The following NRXN3 variants were observed in gnomAD, a reference collection of about 807,000 sequenced individuals.
The protein encoded by NRXN3 is neurexin 3.
In NRXN3, 32 loss-of-function variants were observed where a neutral mutation model predicts 137.6. The ratio of observed to expected loss-of-function variants is 0.23; its 90% confidence interval spans 0.18 to 0.31. The LOEUF is 0.31. Among genes scored for constraint, NRXN3 ranks in the 10% least tolerant of loss-of-function variants. NRXN3 has a pLI of 1.00. For synonymous variants in NRXN3, 798 were observed against 784.5 expected, an observed-to-expected ratio of 1.02 and a Z score of -0.29; for missense variants, 1,574 against 2,062.5, an observed-to-expected ratio of 0.76 and a Z score of 4.59.
At chr14:79,243,495 C>A (rs541294446) in intron 15 of NRXN3, among the ~76,000 whole-genome samples, 2 of 152,068 alleles carry the variant, frequency 1.3e-5, no homozygotes, top group Non-Finnish European at 2.9e-5. Context: ...TAATCCTATG[C>A]GTAAAACAAT....
intron 15 of NRXN3, among the ~76,000 whole-genome samples, chr14:79,407,264 T>G (rs1400086063): frequency 6.6e-6 from 1 of 152,168 alleles, no homozygotes; most frequent in Non-Finnish European, 1.5e-5. Context: ...TTCTTCTTAC[T>G]GTGCCAAACA....
chr14:79,387,400 G>A (rs1331836910), intron 15 of NRXN3, among the ~76,000 whole-genome samples: 1 of 152,054 alleles, frequency 6.6e-6, no homozygotes, highest in Non-Finnish European at 1.5e-5. Flanking sequence ...AAACCACAAT[G>A]AGATACCATC....
chr14:79,253,224 T>C (rs74632185), intron 15 of NRXN3, among the ~76,000 whole-genome samples: 8,064 of 152,234 alleles, frequency 0.053, 574 homozygotes, highest in African/African-American at 0.16. Flanking sequence ...ACTGTTCTTC[T>C]GTGGGAAAGG....
chr14:79,575,419 A>G (rs569852730), intron 16 of NRXN3, among the ~76,000 whole-genome samples: 28 of 152,314 alleles, frequency 1.8e-4, no homozygotes, highest in Middle Eastern at 3.4e-3. Flanking sequence ...GGAAAGAAAA[A>G]TAAAATGAAA....
chr14:79,594,698 A>AT (rs139882026), intron 16 of NRXN3, among the ~76,000 whole-genome samples: 28,190 of 151,560 alleles, frequency 0.19, 2,709 homozygotes, highest in South Asian at 0.24. Flanking sequence ...TTCAAAAAAA[A>AT]ATATATATAT....
chr14:79,279,919 C>T (rs2080975742), intron 15 of NRXN3: 2 of 1,062,300 alleles, frequency 1.9e-6, no homozygotes, highest in Middle Eastern at 4.5e-4. Flanking sequence ...TGTGTGGCTC[C>T]CGGGAGTGTG....
At chr14:79,114,005 T>G (rs1180308820) in intron 15 of NRXN3, among the ~76,000 whole-genome samples, 1 of 152,182 alleles carries the variant, frequency 6.6e-6, no homozygotes, top group Non-Finnish European at 1.5e-5. Flanking sequence ...TCAGTTGACT[T>G]TTACAATACC....
Position 79,016,938 on chromosome 14 carries a change from G to A in NRXN3, c.3262+28797G>A, listed in dbSNP as rs73332953. On this transcript the variant is annotated intron_variant, in intron 15 of 20. Transcript: ENST00000335750. ...GACTCCAGAGTATCAGGACCATTTG[G>A]AGGAGAGAATGGGGAAAAGGCTCGT... 8.1e-3 allele frequency among the ~76,000 whole-genome samples: 1,229 copies of A among 152,206 alleles called. 14 individuals are homozygous for A. The highest frequency in any genetic ancestry group is 0.028 in the African/African-American group (1,152 of 41,538).
intron 10 of NRXN3, among the ~76,000 whole-genome samples, chr14:78,830,264 T>A (rs2098978051): frequency 6.6e-6 from 1 of 152,120 alleles, no homozygotes; most frequent in Non-Finnish European, 1.5e-5. Flanking sequence ...AATATTTTTA[T>A]AAGTAAGGTA....
intron 19 of NRXN3, among the ~76,000 whole-genome samples, chr14:79,703,126 A>C (rs1385370774): frequency 2.6e-5 from 4 of 152,160 alleles, no homozygotes; most frequent in African/African-American, 9.6e-5. Context: ...TAACTAGTCA[A>C]AATGAAAGAC....
chr14:79,726,809 T>C (rs1481928356), intron 19 of NRXN3, among the ~76,000 whole-genome samples: 1 of 152,208 alleles, frequency 6.6e-6, no homozygotes, highest in Non-Finnish European at 1.5e-5. Flanking sequence ...TGTTGTTCTC[T>C]GAAGATTCAG....
chr14:79,030,279 T>C (rs2099605587), intron 15 of NRXN3, among the ~76,000 whole-genome samples: 1 of 152,134 alleles, frequency 6.6e-6, no homozygotes, highest in African/African-American at 2.4e-5. Context: ...CTCTAAACAT[T>C]GCCAAATGTC....
At chr14:79,611,808 T>G (rs1343920569) in intron 16 of NRXN3, 2 of 152,204 alleles carry the variant, frequency 1.3e-5, no homozygotes, top group Non-Finnish European at 2.9e-5. Flanking sequence ...TGTGTGAGAT[T>G]GGGAAAGTTG....
At chr14:78,750,214 G>A (rs17108195) in intron 8 of NRXN3, among the ~76,000 whole-genome samples, 6,702 of 152,272 alleles carry the variant, frequency 0.044, 350 homozygotes, top group African/African-American at 0.13. Context: ...TGAAGGCCAG[G>A]TTTGAGAACA....
chr14:79,508,406 T>TTTTTTTTTTTTTTTTTTTG (rs67924687), intron 16 of NRXN3, among the ~76,000 whole-genome samples: 1 of 143,620 alleles, frequency 7.0e-6, no homozygotes, highest in Non-Finnish European at 1.5e-5. Flanking sequence ...TTTTTTTTTT[T>TTTTTTTTTTTTTTTTTTTG]AAGACAGAGT....
intron 18 of NRXN3, among the ~76,000 whole-genome samples, chr14:79,692,472 C>T (rs1425357586): frequency 1.3e-5 from 2 of 152,074 alleles, no homozygotes; most frequent in Non-Finnish European, 2.9e-5. Flanking sequence ...AAGGGACTAA[C>T]TTCTAGCCTG....
intron 16 of NRXN3, among the ~76,000 whole-genome samples, chr14:79,526,362 A>T (rs753824766): frequency 1.3e-5 from 2 of 151,988 alleles, no homozygotes; most frequent in Non-Finnish European, 2.9e-5. Flanking sequence ...CACCTAATTT[A>T]AAAAAATTTT....
At chr14:79,228,121 A>G (rs928358541) in intron 15 of NRXN3, among the ~76,000 whole-genome samples, 1 of 152,118 alleles carries the variant, frequency 6.6e-6, no homozygotes, top group Non-Finnish European at 1.5e-5. Flanking sequence ...TTTGCCTGTT[A>G]GCTGAGGACC....
intron 4 of NRXN3, among the ~76,000 whole-genome samples, chr14:78,561,029 C>A (rs2096781664): frequency 6.6e-6 from 1 of 152,162 alleles, no homozygotes; most frequent in Non-Finnish European, 1.5e-5. Context: ...ATTTTAGTGA[C>A]TTAGAACAGC....
Sources: gnomAD v4.1 joint callset for allele counts (sites outside exome capture counted in the v4.1 genomes callset) on GRCh38, gnomAD v4.1.1 for gene constraint, MANE v1.5 for transcripts, NCBI Gene and HGNC (gene_info 2026-07-23, HGNC 2026-07-21) for gene names.